The following RXFP1 variants were observed in gnomAD, a reference collection of about 807,000 sequenced individuals.
RXFP1 encodes relaxin family peptide receptor 1.
RXFP1 carries 73 observed loss-of-function variants against 89.8 expected under a neutral mutation model. The observed-to-expected ratio is 0.81, with a 90% CI of 0.67 to 0.99. RXFP1 has a LOEUF of 0.99. Among genes scored for constraint, RXFP1 ranks in the 50% least tolerant of loss-of-function variants. The pLI, the probability that RXFP1 is intolerant of heterozygous loss-of-function variation, is 0.00. For synonymous variants in RXFP1, 277 were observed against 305.5 expected (o/e 0.91, Z 0.97); for missense variants, 793 against 895.5 (o/e 0.89, Z 1.46).
At chr4:158,639,869 A>G (rs1770020853) in intron 14 of RXFP1, among the ~76,000 whole-genome samples, 1 of 152,082 alleles carries the variant, frequency 6.6e-6, no homozygotes, top group Non-Finnish European at 1.5e-5. Context: ...CAAAAAGAAA[A>G]AAAAAGAAAA....
chr4:158,582,076 G>C (rs1472448052), intron 2 of RXFP1, among the ~76,000 whole-genome samples: 5 of 152,136 alleles, frequency 3.3e-5, no homozygotes, highest in African/African-American at 1.2e-4. Context: ...CTATTCATGA[G>C]TGACCCACAT....
chr4:158,576,052 A>G (rs1756124448), intron 2 of RXFP1, among the ~76,000 whole-genome samples: 3 of 152,190 alleles, frequency 2.0e-5, no homozygotes, highest in African/African-American at 7.2e-5. Flanking sequence ...ACCATTGCCA[A>G]CGTTTGAAAC....
chr4:158,551,378 C>A (rs918681664), intron 1 of RXFP1, among the ~76,000 whole-genome samples: 11 of 152,068 alleles, frequency 7.2e-5, no homozygotes, highest in Non-Finnish European at 1.5e-5. Flanking sequence ...AAGGACCAAG[C>A]AAGTGACTGA....
intron 8 of RXFP1, among the ~76,000 whole-genome samples, chr4:158,613,986 A>G (rs966687553): frequency 2.0e-5 from 3 of 152,060 alleles, no homozygotes; most frequent in African/African-American, 7.2e-5. Context: ...AAACAACATG[A>G]ATCTCCTTGT....
At chr4:158,544,268 C>G in intron 1 of RXFP1, 1 of 985,212 alleles carries the variant, frequency 1.0e-6, no homozygotes, top group Non-Finnish European at 1.2e-6. Flanking sequence ...ATGTTTGTTT[C>G]TGACCTTGTG....
chr4:158,596,841 G>T (rs1579932488), intron 3 of RXFP1, among the ~76,000 whole-genome samples: 2 of 152,212 alleles, frequency 1.3e-5, no homozygotes, highest in East Asian at 3.9e-4. Context: ...AGTTTGTAAA[G>T]CAAAACAAAC....
intron 11 of RXFP1, among the ~76,000 whole-genome samples, chr4:158,632,695 A>G (rs751957579): frequency 6.6e-6 from 1 of 152,196 alleles, no homozygotes; most frequent in African/African-American, 2.4e-5. Flanking sequence ...GAGCCTGTGT[A>G]TATCAGCTGT....
chr4:158,587,334 C>G (rs1467672914), intron 2 of RXFP1, among the ~76,000 whole-genome samples: 1 of 152,210 alleles, frequency 6.6e-6, no homozygotes, highest in African/African-American at 2.4e-5. Context: ...CATATAACCA[C>G]TCATAACACT....
chr4:158,535,390 T>G (rs1745051347), intron 1 of RXFP1, among the ~76,000 whole-genome samples: 1 of 152,214 alleles, frequency 6.6e-6, no homozygotes, highest in South Asian at 2.1e-4. Flanking sequence ...TTACCAAAAA[T>G]GGACTAAAAT....
chr4:158,563,928 A>G (rs993812243), intron 1 of RXFP1, among the ~76,000 whole-genome samples: 5 of 148,070 alleles, frequency 3.4e-5, no homozygotes, highest in African/African-American at 9.8e-5. Flanking sequence ...AACATAATAT[A>G]TAATGTATAA....
intron 1 of RXFP1, among the ~76,000 whole-genome samples, chr4:158,560,683 G>A (rs74344975): frequency 0.066 from 10,019 of 152,222 alleles, 480 homozygotes; most frequent in Non-Finnish European, 0.1. Flanking sequence ...TTGCCAGCAC[G>A]TGTGTTGCCT....
intron 1 of RXFP1, among the ~76,000 whole-genome samples, chr4:158,561,624 T>G: frequency 7.3e-6 from 1 of 136,998 alleles, no homozygotes; most frequent in Admixed American, 7.8e-5. Flanking sequence ...TTTTCTTTTT[T>G]TCTTTTTTTT....
intron 1 of RXFP1, among the ~76,000 whole-genome samples, chr4:158,560,331 C>T (rs888521588): frequency 6.6e-6 from 1 of 152,170 alleles, no homozygotes; most frequent in African/African-American, 2.4e-5. Context: ...CCCACCAAGC[C>T]TGAAGGCATT....
chr4:158,642,896 G>A (rs1561194459), intron 14 of RXFP1, among the ~76,000 whole-genome samples: 1 of 152,178 alleles, frequency 6.6e-6, no homozygotes, highest in African/African-American at 2.4e-5. Flanking sequence ...CTCCTGAATA[G>A]GTCTTCCAGT....
intron 1 of RXFP1, among the ~76,000 whole-genome samples, chr4:158,554,970 AT>A (rs1440783339): frequency 6.6e-6 from 1 of 152,222 alleles, no homozygotes; most frequent in Non-Finnish European, 1.5e-5. Flanking sequence ...CTTTAAAAAA[AT>A]AAAGTAAATC....
intron 1 of RXFP1, among the ~76,000 whole-genome samples, chr4:158,528,041 T>C (rs1743024609): frequency 6.6e-6 from 1 of 152,212 alleles, no homozygotes; most frequent in Admixed American, 6.5e-5. Flanking sequence ...TGATTAAGAC[T>C]TTGCCAATAC....
chr4:158,644,110 G>A (rs959994374), intron 14 of RXFP1, among the ~76,000 whole-genome samples: 5 of 139,340 alleles, frequency 3.6e-5, no homozygotes, highest in Admixed American at 3.1e-4. Flanking sequence ...GCAGTGGCAC[G>A]ATCTGGGCTC....
At chr4:158,607,279 T>C in intron 5 of RXFP1, 1 of 636,908 alleles carries the variant, frequency 1.6e-6, no homozygotes, top group Non-Finnish European at 2.8e-6. Context: ...CATTCTTGTC[T>C]TGACATTCCA....
chr4:158,614,784 C>G (rs566160229), intron 8 of RXFP1, among the ~76,000 whole-genome samples: 1 of 152,130 alleles, frequency 6.6e-6, no homozygotes, highest in Admixed American at 6.6e-5. Context: ...TTAGCATTCA[C>G]AATTCGGCTA....
Sources: allele counts gnomAD v4.1 joint callset (sites outside exome capture counted in the v4.1 genomes callset), GRCh38; gene constraint gnomAD v4.1.1; transcripts MANE v1.5; gene names NCBI Gene and HGNC (gene_info 2026-07-23, HGNC 2026-07-21).